The following ERCC6L variants were observed in gnomAD, a reference collection of about 807,000 sequenced individuals.
ERCC6L encodes the protein ERCC excision repair 6 like, spindle assembly checkpoint helicase, also known as DNA excision repair protein ERCC-6-like.
Under a neutral mutation model 20.1 loss-of-function variants are expected in ERCC6L, and 7 were observed. The ratio of observed to expected loss-of-function variants is 0.35; its 90% CI spans 0.20 to 0.65. The LOEUF is 0.65. Ranked by LOEUF, ERCC6L falls within the 30% of genes least tolerant of loss-of-function variation. ERCC6L has a pLI of 0.69. For synonymous variants in ERCC6L, 278 were observed against 331.3 expected, an observed-to-expected ratio of 0.84 and a Z score of 1.75; for missense variants, 592 against 892.4, an observed-to-expected ratio of 0.66 and a Z score of 4.29.
rs778615639 is a variant in ERCC6L at position 72,208,198 on chromosome X, C to T, written c.569G>A (p.Arg190Gln). ...SKDERTRNLN[R>Q]IQQRNGVIIT... is the part of the protein sequence containing the mutation. ...AATAACACCATTCCTTTGCTGAATC[C>T]GATTGAGGTTTCTGGTCCGTTCATC... Residue 190 changes from arginine (R) to glutamine (Q), a missense_variant, in exon 2 of 2, where the codon CGG (arginine) becomes CAG (glutamine). Around this residue, in one of 3 missense-constraint regions of ERCC6L, gnomAD observed 196 missense variants for 440.1 expected, o/e 0.45. Coordinates refer to ENST00000334463, the MANE Select transcript of ERCC6L (RefSeq NM_017669.4). 8.3e-7 allele frequency: 1 copy of T among 1,211,430 alleles called. No individual in the cohort carries two copies. Among genetic ancestry groups the T allele is most frequent in the Non-Finnish European group, 1.1e-6 (1 of 895,447 alleles).
intron 1 of ERCC6L, among the ~76,000 whole-genome samples, chrX:72,218,876 CAAT>C (rs2042902942): frequency 8.9e-6 from 1 of 112,682 alleles, no homozygotes; most frequent in African/African-American, 3.2e-5. Flanking sequence ...TTTCTTTCAA[CAAT>C]GTTTTATAGT....
chrX:72,229,982 T>C (rs757930327), intron 1 of ERCC6L, among the ~76,000 whole-genome samples: 13 of 110,479 alleles, frequency 1.2e-4, no homozygotes, highest in Admixed American at 3.9e-4. Flanking sequence ...GAGACCATCC[T>C]GGCTAACACG....
At chrX:72,232,019 C>T (rs781164802) in intron 1 of ERCC6L, among the ~76,000 whole-genome samples, 20 of 108,346 alleles carry the variant, frequency 1.8e-4, no homozygotes, top group African/African-American at 6.4e-4. Context: ...TTCAAGATTA[C>T]GGTGAACTAT....
intron 1 of ERCC6L, among the ~76,000 whole-genome samples, chrX:72,218,470 TA>T (rs2042899833): frequency 9.3e-6 from 1 of 107,428 alleles, no homozygotes; most frequent in Admixed American, 1.0e-4. Context: ...ATATGGCTTT[TA>T]TAATAGTTTG....
chrX:72,221,497 A>G (rs1238744329), intron 1 of ERCC6L, among the ~76,000 whole-genome samples: 1 of 110,779 alleles, frequency 9.0e-6, no homozygotes, highest in Admixed American at 9.6e-5. Flanking sequence ...GCTTCTTCTC[A>G]CCAGTCCACA....
Position 72,206,761 on chromosome X carries a change from G to A in ERCC6L, c.2006C>T (p.Ala669Val), listed in dbSNP as rs777951082. The A allele has an allele frequency of 1.7e-6, 2 of 1,210,937 alleles. No individual in the cohort carries two copies. The highest frequency in any genetic ancestry group is 2.2e-6 in the Non-Finnish European group (2 of 895,221). ...CATCAAATCATGGTCTGAGATTCCA[G>A]CTATCCCCAAAGACTGCAGGTAGGC... ...HIAYLQSLGIAGISDHDLMYT... is the reference protein window; with the variant it reads ...HIAYLQSLGIVGISDHDLMYT... The change falls in exon 2 of 2, where the codon GCT becomes GTT. Residue 669 changes from alanine to valine, a missense_variant. Ala to Val is a moderately conservative substitution (Grantham distance 64, BLOSUM62 0). Around this residue, in one of 3 missense-constraint regions of ERCC6L, gnomAD observed 196 missense variants for 440.1 expected, o/e 0.45. Coordinates refer to ENST00000334463, the MANE Select transcript of ERCC6L (RefSeq NM_017669.4).
chrX:72,230,183 T>TA (rs563210083), intron 1 of ERCC6L, among the ~76,000 whole-genome samples: 1,807 of 101,674 alleles, frequency 0.018, 40 homozygotes, highest in African/African-American at 0.054. Context: ...TCAAAAAAAA[T>TA]AAAAAAAAAA....
intron 1 of ERCC6L, among the ~76,000 whole-genome samples, chrX:72,234,765 G>C (rs1453311393): frequency 9.0e-6 from 1 of 111,337 alleles, no homozygotes; most frequent in Non-Finnish European, 1.9e-5. Flanking sequence ...CTGGGAAGTA[G>C]GTTGATATGG....
Position 72,207,438 on chromosome X carries a change from A to T in ERCC6L, c.1329T>A (p.Asp443Glu), listed in dbSNP as rs756526817. The change falls in exon 2 of 2, where the codon GAT becomes GAA. Residue 443 changes from aspartate (D) to glutamate (E), a missense_variant. Around this residue, in one of 3 missense-constraint regions of ERCC6L, gnomAD observed 196 missense variants for 440.1 expected, o/e 0.45. Transcript: ENST00000334463. ...CAGTTACTTGATCAATATGGTCCAC[A>T]TCTGGGGAATCTTCCCCCTCATTTC... ...QDGNEGEDSP[D>E]VDHIDQVTDD... is the part of the protein sequence containing the mutation. The T allele has an allele frequency of 8.3e-7, 1 of 1,211,108 alleles. No homozygotes were observed. The highest frequency in any genetic ancestry group is 1.8e-5 in the South Asian group (1 of 56,894).
intron 1 of ERCC6L, among the ~76,000 whole-genome samples, chrX:72,210,387 G>A (rs2042847325): frequency 1.8e-5 from 2 of 111,106 alleles, no homozygotes; most frequent in East Asian, 2.8e-4. Context: ...CCAAGTGTTG[G>A]CAAGGTGTGA....
chrX:72,214,685 A>C lies in ERCC6L; in HGVS notation c.69-5987T>G, dbSNP rs556245674. 6.3e-4 allele frequency among the ~76,000 whole-genome samples: 65 copies of C among 103,574 alleles called. No homozygotes were observed. In the South Asian group the frequency reaches 8.3e-3, roughly 13 times the overall value. The allele number at this position is 103,574 out of a possible 115,157, so 89.9% of individuals were successfully genotyped here. On this transcript the variant is annotated intron_variant, in intron 1 of 1. Coordinates refer to ENST00000334463, the MANE Select transcript of ERCC6L (RefSeq NM_017669.4). ...GAGACTCCATCTCAAAAAAAAAAAAAAAAACAAAACAAAAGTTTAGGCCAG... is the reference window on the plus strand; with the variant it reads ...GAGACTCCATCTCAAAAAAAAAAAACAAAACAAAACAAAAGTTTAGGCCAG...
At chrX:72,210,193 G>C (rs201236770) in intron 1 of ERCC6L, among the ~76,000 whole-genome samples, 2 of 79,168 alleles carry the variant, frequency 2.5e-5, no homozygotes, top group African/African-American at 5.5e-5. Context: ...TAGCGAGACT[G>C]TCTCTTAAAA....
At chrX:72,230,753 C>T (rs934496996) in intron 1 of ERCC6L, among the ~76,000 whole-genome samples, 1 of 111,483 alleles carries the variant, frequency 9.0e-6, no homozygotes, top group African/African-American at 3.3e-5. Flanking sequence ...CGCTTGAGCT[C>T]AGGAGTTTAA....
intron 1 of ERCC6L, among the ~76,000 whole-genome samples, chrX:72,222,434 C>T (rs2042928923): frequency 1.8e-5 from 2 of 111,362 alleles, no homozygotes; most frequent in South Asian, 3.8e-4. Context: ...TGCAGTCCCC[C>T]ATAGAGACAC....
intron 1 of ERCC6L, among the ~76,000 whole-genome samples, chrX:72,228,628 A>G (rs2042966372): frequency 9.0e-6 from 1 of 111,564 alleles, no homozygotes; most frequent in East Asian, 2.8e-4. Context: ...CTTCAGCGGT[A>G]CCCTTACGAA....
At chrX:72,220,841 T>C (rs1239535704) in intron 1 of ERCC6L, among the ~76,000 whole-genome samples, 1 of 112,073 alleles carries the variant, frequency 8.9e-6, no homozygotes, top group Non-Finnish European at 1.9e-5. Context: ...TGCCTCTAAC[T>C]GTCAAGCATT....
chrX:72,223,689 A>G (rs957383736), intron 1 of ERCC6L, among the ~76,000 whole-genome samples: 1 of 111,636 alleles, frequency 9.0e-6, no homozygotes. Context: ...CAACAGAGAC[A>G]AGGAACAAAA....
chrX:72,218,596 C>T (rs1390902168), intron 1 of ERCC6L, among the ~76,000 whole-genome samples: 3 of 108,468 alleles, frequency 2.8e-5, no homozygotes, highest in Non-Finnish European at 3.8e-5. Flanking sequence ...CAGGTTCAAG[C>T]GACTGTCCTG....
rs201100999 is a variant in ERCC6L at position 72,238,949 on chromosome X, T to C, written c.-38A>G. 26 of 922,492 alleles carry C rather than the reference T, an allele frequency of 2.8e-5. No individual in the cohort carries two copies. In the African/African-American group the frequency reaches 4.3e-4, roughly 15 times the overall value. The allele number at this position is 922,492 out of a possible 1,213,427, so 76.0% of individuals were successfully genotyped here. A position where few individuals can be genotyped will look rare whatever the true frequency, so the allele number is the denominator to read the frequency against. ...GGGTTCCAGTTACCCCGGCGGGAGTTTGGAGCTTGGAGCTTGGAGCTTGGA... is the reference window on the plus strand; with the variant it reads ...GGGTTCCAGTTACCCCGGCGGGAGTCTGGAGCTTGGAGCTTGGAGCTTGGA... On this transcript the variant is annotated 5_prime_UTR_variant, in exon 1 of 2. Coordinates refer to ENST00000334463, the MANE Select transcript of ERCC6L (RefSeq NM_017669.4).
Sources: allele counts gnomAD v4.1 joint callset (sites outside exome capture counted in the v4.1 genomes callset), GRCh38; gene constraint gnomAD v4.1.1; regional missense constraint gnomAD v4.1.1; transcripts MANE v1.5; gene names NCBI Gene and HGNC (gene_info 2026-07-23, HGNC 2026-07-21).